SKI: variants seen among roughly 807,000 people sequenced by gnomAD.
The protein encoded by SKI is ski oncogene.
In SKI, 23 loss-of-function variants were observed where a neutral mutation model predicts 59.3. The observed-to-expected ratio is 0.39, with a 90% CI of 0.28 to 0.55. The LOEUF is 0.55. Among genes scored for constraint, SKI ranks in the 20% least tolerant of loss-of-function variants. The pLI, the probability that SKI is intolerant of heterozygous loss-of-function variation, is 0.67. For synonymous variants in SKI, 673 were observed against 488.6 expected, an observed-to-expected ratio of 1.38 and a Z score of -4.98; for missense variants, 1,017 against 1,038.9, an observed-to-expected ratio of 0.98 and a Z score of 0.29.
chr1:2,273,951 C>A (rs140889532), intron 1 of SKI, among the ~76,000 whole-genome samples: 2 of 152,140 alleles, frequency 1.3e-5, no homozygotes, highest in African/African-American at 2.4e-5. Context: ...TCTCCCTGAC[C>A]GGCAGCGCCA....
chr1:2,272,370 C>T (rs1639643634), intron 1 of SKI, among the ~76,000 whole-genome samples: 1 of 152,244 alleles, frequency 6.6e-6, no homozygotes, highest in Non-Finnish European at 1.5e-5. Context: ...CGTGCTGCCC[C>T]CTCAAACCAG....
rs1436701052 is a variant in SKI, at chr1:2,260,377, CGT to C, written c.969+30644_969+30645del. Among the ~76,000 whole-genome samples the C allele has an allele frequency of 9.9e-5, 15 of 152,178 alleles. 1 individual carries two copies. The East Asian group carries it at 2.9e-3, about 29-fold the overall frequency. On this transcript the variant is annotated intron_variant, in intron 1 of 6. Coordinates refer to ENST00000378536, the MANE Select transcript of SKI (RefSeq NM_003036.4). The stretch of plus-strand genomic sequence containing the variant: ...TGGGTTTGTTGTTTTACTGTTGACT[CGT>C]GAGATCTTTACGTATTCTGGATGCA...
In SKI at chr1:2,307,034, C is replaced by A. The variant is rs1413756053; in HGVS notation, c.*269C>A. The A allele has an allele frequency of 1.1e-5, 3 of 274,120 alleles. No homozygotes were observed. The highest frequency in any genetic ancestry group is 2.0e-5 in the Non-Finnish European group (3 of 146,732). 17.0% of individuals were successfully genotyped at this position (274,120 alleles called of 1,614,324 possible). A position where few individuals can be genotyped will look rare whatever the true frequency, so the allele number is the denominator to read the frequency against. ...CCTGCTGGTCCTCTGCTTGCTGGAA[C>A]ATTCTAACATTTACACTTTTGTTAT... On this transcript the variant is annotated 3_prime_UTR_variant, in exon 7 of 7. Coordinates refer to ENST00000378536, the MANE Select transcript of SKI (RefSeq NM_003036.4).
chr1:2,241,435 C>G (rs1638870452), intron 1 of SKI, among the ~76,000 whole-genome samples: 2 of 152,154 alleles, frequency 1.3e-5, no homozygotes, highest in African/African-American at 4.8e-5. Flanking sequence ...CTCTGTCGCC[C>G]AGGCTATAGT....
At position 2,287,086 on chromosome 1, in the gene SKI, G is replaced by C. The variant is rs1226514088; in HGVS notation, c.970-15892G>C. Among the ~76,000 whole-genome samples the C allele has an allele frequency of 3.3e-5, 5 of 152,232 alleles. No homozygotes were observed. In the East Asian group the frequency reaches 9.7e-4, roughly 30 times the overall value. On this transcript the variant is annotated intron_variant, in intron 1 of 6. Transcript: ENST00000378536. ...GTCCAGCCGTGAGTGTCCAGCTGCAGGCCCCACAGCAGCCAGCTCTGGGCG... is the reference window on the plus strand; with the variant it reads ...GTCCAGCCGTGAGTGTCCAGCTGCACGCCCCACAGCAGCCAGCTCTGGGCG...
At chr1:2,301,915 T>A (rs993670848) in intron 1 of SKI, among the ~76,000 whole-genome samples, 1 of 152,216 alleles carries the variant, frequency 6.6e-6, no homozygotes, top group Admixed American at 6.5e-5. Context: ...CCCTGGAGAC[T>A]CTGTGCTGTC....
Position 2,229,568 on chromosome 1 carries a change from G to C in SKI, c.802G>C (p.Glu268Gln). The C allele has an allele frequency of 2.5e-6, 4 of 1,611,560 alleles. No individual in the cohort carries two copies. The highest frequency in any genetic ancestry group is 2.5e-6 in the Non-Finnish European group (3 of 1,179,944). Residue 268 changes from glutamate to glutamine, a missense_variant, in exon 1 of 7, where the codon GAG becomes CAG. Glu to Gln is a conservative substitution (Grantham distance 29). Transcript: ENST00000378536. This position sits in a 1 kb window ranked among gnomAD's most constrained non-coding sequence, Gnocchi z 6.3. Reference sequence around the variant, plus strand: ...CGTGGTGCACTCGCACAAGGCCCTGGAGAACCGGACCTGCCACTGGGGCTT... The same window carrying C: ...CGTGGTGCACTCGCACAAGGCCCTGCAGAACCGGACCTGCCACTGGGGCTT... ...KFVVHSHKAL[E>Q]NRTCHWGFDS...
chr1:2,289,729 C>T (rs1378296493), intron 1 of SKI, among the ~76,000 whole-genome samples: 1 of 152,164 alleles, frequency 6.6e-6, no homozygotes, highest in African/African-American at 2.4e-5. Flanking sequence ...ATGACCACAG[C>T]TCTCAGTTTG....
chr1:2,285,749 A>C (rs965183377), intron 1 of SKI, among the ~76,000 whole-genome samples: 1 of 150,190 alleles, frequency 6.7e-6, no homozygotes, highest in African/African-American at 2.5e-5. Context: ...TTTGTAGCAG[A>C]GATGGGGGTT....
intron 1 of SKI, among the ~76,000 whole-genome samples, chr1:2,266,842 T>G (rs1304123725): frequency 6.6e-6 from 1 of 152,092 alleles, no homozygotes; most frequent in Non-Finnish European, 1.5e-5. Context: ...AGGCTCTTGT[T>G]GTGGGAGAAA....
At position 2,270,907 on chromosome 1, in the gene SKI, G is replaced by T. The variant is rs1237790794; in HGVS notation, c.970-32071G>T. On this transcript the variant is annotated intron_variant, in intron 1 of 6. Transcript: ENST00000378536. The surrounding 1 kb of genome is among the most constrained non-coding windows in gnomAD (Gnocchi z 4.1). The stretch of plus-strand genomic sequence containing the variant: ...CTGGCCCTGTCCCGGGCCACCCCAG[G>T]CTGGACCAGCTGCCCATGTCACCAG... Among the ~76,000 whole-genome samples, 4 of 152,200 alleles carry T rather than the reference G, an allele frequency of 2.6e-5. No individual in the cohort carries two copies. In the East Asian group the frequency reaches 7.7e-4, roughly 29 times the overall value.
At chr1:2,241,949 CTGTGTG>C (rs34969427) in intron 1 of SKI, among the ~76,000 whole-genome samples, 4 of 150,136 alleles carry the variant, frequency 2.7e-5, no homozygotes, top group Non-Finnish European at 5.9e-5. Context: ...GCATGCCTGT[CTGTGTG>C]TGTGTGTGTG....
intron 1 of SKI, among the ~76,000 whole-genome samples, chr1:2,262,116 T>C (rs2100839793): frequency 7.1e-6 from 1 of 140,018 alleles, no homozygotes. Context: ...GATCTCCTGG[T>C]CTGGAAGGCG....
intron 1 of SKI, among the ~76,000 whole-genome samples, chr1:2,258,323 C>T (rs1216362288): frequency 1.3e-5 from 2 of 152,058 alleles, no homozygotes; most frequent in Non-Finnish European, 2.9e-5. Flanking sequence ...AGCTCAGATG[C>T]CCCTATTCTA....
At chr1:2,258,249 G>A (rs1372816048) in intron 1 of SKI, among the ~76,000 whole-genome samples, 9 of 152,104 alleles carry the variant, frequency 5.9e-5, no homozygotes, top group African/African-American at 2.2e-4. Context: ...AGGATTCCTG[G>A]TCCTTAAACC....
intron 1 of SKI, among the ~76,000 whole-genome samples, chr1:2,251,268 G>T (rs570760532): frequency 6.6e-6 from 1 of 152,242 alleles, no homozygotes; most frequent in South Asian, 2.1e-4. Flanking sequence ...CACAGGTCTG[G>T]GTATCTGCTG....
rs1042383091 is a variant in SKI, at chr1:2,307,899, C to T, written c.*1134C>T. 2.6e-5 allele frequency: 4 copies of T among 152,526 alleles called. No homozygotes were observed. The highest frequency in any genetic ancestry group is 5.9e-5 in the Non-Finnish European group (4 of 68,034). 9.4% of individuals were successfully genotyped at this position (152,526 alleles called of 1,614,324 possible). A position where few individuals can be genotyped will look rare whatever the true frequency, so the allele number is the denominator to read the frequency against. ...AGAAAACGAAAATGCAAAAACTGAA[C>T]TTCGGGGGTCGTTCTGTGCCTTCCA... On this transcript the variant is annotated 3_prime_UTR_variant, in exon 7 of 7. Transcript: ENST00000378536.
intron 1 of SKI, among the ~76,000 whole-genome samples, chr1:2,275,544 C>T (rs1036044041): frequency 6.1e-4 from 93 of 152,106 alleles, no homozygotes; most frequent in African/African-American, 2.1e-3. Flanking sequence ...GACGGAGTCT[C>T]GCTCTGTCGC....
intron 1 of SKI, among the ~76,000 whole-genome samples, chr1:2,243,411 C>T (rs1218632801): frequency 2.6e-5 from 4 of 152,192 alleles, no homozygotes; most frequent in East Asian, 1.9e-4. Context: ...GCAGGCTGGC[C>T]GTTGTGCTCT....
Sources: allele counts gnomAD v4.1 joint callset (sites outside exome capture counted in the v4.1 genomes callset), GRCh38; gene constraint gnomAD v4.1.1; non-coding constraint Gnocchi (gnomAD v3.1); transcripts MANE v1.5; gene names NCBI Gene and HGNC (gene_info 2026-07-23, HGNC 2026-07-21).